The following TNPO1 variants were observed in gnomAD, a reference collection of about 807,000 sequenced individuals.
TNPO1 encodes the protein transportin 1.
Under a neutral mutation model 119.5 loss-of-function variants are expected in TNPO1, and 8 were observed. The ratio of observed to expected loss-of-function variants is 0.07; its 90% CI spans 0.04 to 0.12. The LOEUF (loss-of-function observed/expected upper bound fraction) is 0.12. Ranked by LOEUF, TNPO1 falls within the 10% of genes least tolerant of loss-of-function variation. The probability of loss-of-function intolerance (pLI) is 1.00; values close to 1 mark genes in which losing one functional copy is unlikely to be tolerated. For missense variants in TNPO1, 576 were observed against 1,089.8 expected (o/e 0.53, Z 6.64); for synonymous variants, 362 against 363.0 (o/e 1.00, Z 0.03).
At chr5:72,849,174 C>G (rs1332599778) in intron 2 of TNPO1, among the ~76,000 whole-genome samples, 2 of 152,170 alleles carry the variant, frequency 1.3e-5, no homozygotes, top group African/African-American at 2.4e-5. Context: ...AGCTTTGGCT[C>G]AAGGCTGACT....
intron 1 of TNPO1, chr5:72,848,142 T>G: frequency 8.3e-7 from 1 of 1,205,734 alleles, no homozygotes; most frequent in Non-Finnish European, 1.0e-6. Flanking sequence ...GTCGGCTCCT[T>G]GCGCTCGGCG....
At chr5:72,886,644 A>G (rs547078370) in intron 11 of TNPO1, among the ~76,000 whole-genome samples, 1 of 152,266 alleles carries the variant, frequency 6.6e-6, no homozygotes, top group South Asian at 2.1e-4. Context: ...CACACCTGTA[A>G]TCCCAGCACT....
chr5:72,822,980 T>G (rs2112164023), intron 1 of TNPO1, among the ~76,000 whole-genome samples: 1 of 151,172 alleles, frequency 6.6e-6, no homozygotes, highest in East Asian at 1.9e-4. Context: ...GGGTCTATGC[T>G]TTTTCTTAAA....
Position 72,816,701 on chromosome 5 carries a change from G to A in TNPO1, c.-37G>A, listed in dbSNP as rs1371006790. 1 of 1,557,136 alleles carries A rather than the reference G, an allele frequency of 6.4e-7. No homozygotes were observed. The highest frequency in any genetic ancestry group is 1.2e-5 in the South Asian group (1 of 83,560). The stretch of plus-strand genomic sequence containing the variant: ...CAGGCCCCGGACAGGAGGCAGTGCC[G>A]CTTCGGCCGAAGGCCCGAGCGCCCG... On this transcript the variant is annotated 5_prime_UTR_variant, in exon 1 of 25. Transcript: ENST00000337273.
At chr5:72,860,416 G>A (rs1746349175) in intron 4 of TNPO1, among the ~76,000 whole-genome samples, 1 of 152,134 alleles carries the variant, frequency 6.6e-6, no homozygotes. Context: ...GTTTACTAAG[G>A]CAGAAAAAAA....
At chr5:72,905,243 C>T (rs997782538) in intron 23 of TNPO1, 60 bp from the exon 24 acceptor site, 3 of 1,223,944 alleles carry the variant, frequency 2.5e-6, no homozygotes, top group Middle Eastern at 2.8e-4. Context: ...ATTTCAGAAG[C>T]TATGCTGATC....
chr5:72,888,388 T>G, intron 13 of TNPO1, 85 bp downstream of exon 13: 1 of 1,170,444 alleles, frequency 8.5e-7, no homozygotes, highest in Non-Finnish European at 1.2e-6. Context: ...GTGTTAAACC[T>G]ATAATGAAGT....
chr5:72,870,301 T>TA (rs1283850107), intron 6 of TNPO1, among the ~76,000 whole-genome samples: 1 of 151,744 alleles, frequency 6.6e-6, no homozygotes, highest in East Asian at 1.9e-4. Context: ...TAGCTGGAAT[T>TA]ACAGGCGCAT....
At position 72,861,894 on chromosome 5, in the gene TNPO1, G is replaced by A; in HGVS notation, c.442G>A (p.Glu148Lys). The change falls in exon 5 of 25, where the codon GAA becomes AAA. Residue 148 changes from glutamate to lysine, a missense_variant. This residue lies in a region of TNPO1 where 310 missense variants were observed against 583.0 expected (regional missense o/e 0.53). Coordinates refer to ENST00000337273, the MANE Select transcript of TNPO1 (RefSeq NM_002270.4). The part of the protein sequence containing the change: ...LPKLCSLLDS[E>K]DYNTCEGAFG... ...AAAACTCTGTAGCCTGTTGGATTCT[G>A]AAGATTATAATACCTGTGAGGTAAG... The A allele has an allele frequency of 6.2e-7, 1 of 1,612,034 alleles. No homozygotes were observed. Among genetic ancestry groups the A allele is most frequent in the Non-Finnish European group, 8.5e-7 (1 of 1,178,148 alleles).
intron 9 of TNPO1, among the ~76,000 whole-genome samples, chr5:72,878,359 T>G (rs912276296): frequency 6.6e-6 from 1 of 152,080 alleles, no homozygotes; most frequent in Non-Finnish European, 1.5e-5. Flanking sequence ...CTCTAGGAAA[T>G]TTATAGAACC....
intron 1 of TNPO1, among the ~76,000 whole-genome samples, chr5:72,840,743 G>C (rs1744875099): frequency 6.6e-6 from 1 of 152,044 alleles, no homozygotes; most frequent in Non-Finnish European, 1.5e-5. Flanking sequence ...TAGTAAGCAT[G>C]TCTAGTCATC....
At chr5:72,863,827 G>GATTGC (rs927580528) in intron 5 of TNPO1, among the ~76,000 whole-genome samples, 2 of 151,836 alleles carry the variant, frequency 1.3e-5, no homozygotes, top group African/African-American at 4.8e-5. Flanking sequence ...TGTGACAGTT[G>GATTGC]ATTGCATTTA....
intron 8 of TNPO1, among the ~76,000 whole-genome samples, chr5:72,876,619 A>AT (rs1747797464): frequency 6.6e-6 from 1 of 152,176 alleles, no homozygotes; most frequent in Non-Finnish European, 1.5e-5. Flanking sequence ...ATGAGTTCTT[A>AT]ATTTTTATGT....
rs1185179435 is a variant in TNPO1 at position 72,912,884 on chromosome 5, A to G, written c.*4211A>G. 3.3e-5 allele frequency: 5 copies of G among 152,500 alleles called. No homozygotes were observed. Among genetic ancestry groups the G allele is most frequent in the African/African-American group, 7.2e-5 (3 of 41,450 alleles). 9.4% of individuals were successfully genotyped at this position (152,500 alleles called of 1,614,324 possible). On this transcript the variant is annotated 3_prime_UTR_variant, in exon 25 of 25. Coordinates refer to ENST00000337273, the MANE Select transcript of TNPO1 (RefSeq NM_002270.4). Reference sequence around the variant, plus strand: ...ATAATGGTGCAAAAGCATTCTTCCCAGGGGAAGAGTGTATCATGCATAACT... The same window carrying G: ...ATAATGGTGCAAAAGCATTCTTCCCGGGGGAAGAGTGTATCATGCATAACT...
At chr5:72,890,761 T>C (rs1223503753) in intron 14 of TNPO1, among the ~76,000 whole-genome samples, 2 of 152,160 alleles carry the variant, frequency 1.3e-5, no homozygotes, top group Non-Finnish European at 2.9e-5. Context: ...TTTAAGTTTG[T>C]TTTTCTACAA....
At chr5:72,852,439 A>G (rs1394635410) in intron 3 of TNPO1, among the ~76,000 whole-genome samples, 1 of 152,188 alleles carries the variant, frequency 6.6e-6, no homozygotes, top group Non-Finnish European at 1.5e-5. Context: ...TTCTCATAGC[A>G]TTATTTGGGT....
intron 1 of TNPO1, among the ~76,000 whole-genome samples, chr5:72,826,038 A>G (rs1274639563): frequency 6.6e-6 from 1 of 151,822 alleles, no homozygotes; most frequent in African/African-American, 2.4e-5. Flanking sequence ...CCTGCTTGCT[A>G]TGTCTGTCCT....
At chr5:72,823,272 T>C (rs965094078) in intron 1 of TNPO1, among the ~76,000 whole-genome samples, 1 of 152,126 alleles carries the variant, frequency 6.6e-6, no homozygotes, top group African/African-American at 2.4e-5. Flanking sequence ...TTTTGAATTA[T>C]GTCATAAAGG....
At chr5:72,842,914 T>G (rs905748298) in intron 1 of TNPO1, among the ~76,000 whole-genome samples, 2 of 152,176 alleles carry the variant, frequency 1.3e-5, no homozygotes, top group African/African-American at 4.8e-5. Flanking sequence ...CTAGCCTCAC[T>G]TTTGCTTTTT....
Sources: gnomAD v4.1 joint callset for allele counts (sites outside exome capture counted in the v4.1 genomes callset) on GRCh38, gnomAD v4.1.1 for gene constraint, gnomAD v4.1.1 regional missense constraint, MANE v1.5 for transcripts, NCBI Gene and HGNC (gene_info 2026-07-23, HGNC 2026-07-21) for gene names.